NPSR1: variants seen among roughly 807,000 people sequenced by gnomAD.
The protein encoded by NPSR1 is neuropeptide S receptor.
NPSR1 carries 48 observed loss-of-function variants against 46.9 expected under a neutral mutation model. That is an observed-to-expected ratio of 1.02 (90% CI 0.81 to 1.30). NPSR1 has a LOEUF of 1.30. Among genes scored for constraint, NPSR1 ranks in the 50% most tolerant of loss-of-function variants. The pLI, the probability that NPSR1 is intolerant of heterozygous loss-of-function variation, is 0.00. For missense variants in NPSR1, 450 were observed against 449.5 expected, an observed-to-expected ratio of 1.00 and a Z score of -0.01; for synonymous variants, 176 against 168.1, an observed-to-expected ratio of 1.05 and a Z score of -0.36.
chr7:34,783,830 C>T (rs116463957), intron 3 of NPSR1, among the ~76,000 whole-genome samples: 1,598 of 152,006 alleles, frequency 0.011, 29 homozygotes, highest in African/African-American at 0.037. Flanking sequence ...CAGCAAAAAC[C>T]TTGCAGAACA....
intron 2 of NPSR1, among the ~76,000 whole-genome samples, chr7:34,722,919 G>A (rs1783935825): frequency 1.3e-5 from 2 of 152,178 alleles, no homozygotes; most frequent in South Asian, 4.1e-4. Flanking sequence ...TCAGCCAGCT[G>A]GAGAGGTGAG....
At chr7:34,719,682 CAG>C (rs1783751843) in intron 2 of NPSR1, 1 of 152,158 alleles carries the variant, frequency 6.6e-6, no homozygotes, top group Non-Finnish European at 1.5e-5. Flanking sequence ...ATATTGCTGC[CAG>C]AGTATGTCCC....
chr7:34,784,116 A>G (rs1183601159), intron 3 of NPSR1, among the ~76,000 whole-genome samples: 1 of 152,184 alleles, frequency 6.6e-6, no homozygotes, highest in Non-Finnish European at 1.5e-5. Context: ...ATATACAATC[A>G]TGTCATCTGC....
At chr7:34,694,313 G>A (rs1045987197) in intron 2 of NPSR1, among the ~76,000 whole-genome samples, 2 of 152,026 alleles carry the variant, frequency 1.3e-5, no homozygotes, top group African/African-American at 2.4e-5. Context: ...AAATTTTCAG[G>A]ATACAAAATC....
chr7:34,845,006 T>C, intron 7 of NPSR1, 24 bp downstream of exon 7: 1 of 1,542,864 alleles, frequency 6.5e-7, no homozygotes, highest in South Asian at 1.1e-5. Flanking sequence ...CTCCTTGAGC[T>C]GTAAAGTGGT....
intron 4 of NPSR1, among the ~76,000 whole-genome samples, chr7:34,825,567 C>T (rs1454890376): frequency 1.3e-5 from 2 of 152,194 alleles, no homozygotes; most frequent in Admixed American, 1.3e-4. Context: ...AAAAAAGATC[C>T]TGCCCCAGAC....
chr7:34,868,398 A>G (rs1288999953), intron 8 of NPSR1, among the ~76,000 whole-genome samples: 1 of 151,644 alleles, frequency 6.6e-6, no homozygotes, highest in Non-Finnish European at 1.5e-5. Flanking sequence ...AGAAAATCAA[A>G]GTTGGGAATT....
At chr7:34,807,908 A>T (rs1788787117) in intron 3 of NPSR1, among the ~76,000 whole-genome samples, 1 of 144,790 alleles carries the variant, frequency 6.9e-6, no homozygotes, top group Non-Finnish European at 1.5e-5. Context: ...CACCACCACC[A>T]CCACAAAATC....
intron 2 of NPSR1, among the ~76,000 whole-genome samples, chr7:34,701,618 C>T (rs1276171213): frequency 6.6e-6 from 1 of 152,190 alleles, no homozygotes; most frequent in African/African-American, 2.4e-5. Flanking sequence ...ACACAGCTAT[C>T]GAACCTAGGA....
At chr7:34,861,780 C>G (rs1791197591) in intron 8 of NPSR1, among the ~76,000 whole-genome samples, 1 of 151,844 alleles carries the variant, frequency 6.6e-6, no homozygotes, top group African/African-American at 2.4e-5. Flanking sequence ...ATTCATGATG[C>G]ATGGTTCAGC....
Position 34,790,946 on chromosome 7 carries a change from A to ATATATGTTATATGTTATATTATATATGT in NPSR1, c.384+12394_384+12421dup, listed in dbSNP as rs1562730026. Reference sequence around the variant, plus strand: ...TATGTTATATGTTATATTATATATCATATATGTTATATGTTATATTATATA... The same window carrying ATATATGTTATATGTTATATTATATATGT: ...TATGTTATATGTTATATTATATATCATATATGTTATATGTTATATTATATATGTTATATGTTATATGTTATATTATATA... On this transcript the variant is annotated intron_variant, in intron 3 of 8. Coordinates refer to ENST00000360581, the MANE Select transcript of NPSR1 (RefSeq NM_207172.2). Among the ~76,000 whole-genome samples the ATATATGTTATATGTTATATTATATATGT allele has an allele frequency of 7.3e-4, 75 of 102,388 alleles. 6 individuals are homozygous for ATATATGTTATATGTTATATTATATATGT. Among genetic ancestry groups the ATATATGTTATATGTTATATTATATATGT allele is most frequent in the African/African-American group, 2.9e-3 (66 of 23,044 alleles). The allele number at this position is 102,388 out of a possible 152,430, so 67.2% of individuals were successfully genotyped here.
At chr7:34,877,415 A>T (rs1791601530) in intron 8 of NPSR1, among the ~76,000 whole-genome samples, 1 of 152,330 alleles carries the variant, frequency 6.6e-6, no homozygotes, top group South Asian at 2.1e-4. Flanking sequence ...AAGGGCTTCT[A>T]GAGAGAGTGT....
chr7:34,851,584 C>T (rs375737339), downstream of NPSR1, among the ~76,000 whole-genome samples: 1 of 152,168 alleles, frequency 6.6e-6, no homozygotes, highest in Non-Finnish European at 1.5e-5. Context: ...AGAAGACCCA[C>T]GGAACTGTTG....
At chr7:34,820,846 G>T (rs1789518508) in intron 4 of NPSR1, among the ~76,000 whole-genome samples, 1 of 152,206 alleles carries the variant, frequency 6.6e-6, no homozygotes, top group Non-Finnish European at 1.5e-5. Flanking sequence ...TTAAGACAAA[G>T]AATTGTGGAG....
intron 1 of NPSR1, among the ~76,000 whole-genome samples, chr7:34,676,865 C>A (rs1269174601): frequency 6.6e-6 from 1 of 152,010 alleles, no homozygotes; most frequent in Non-Finnish European, 1.5e-5. Context: ...TATCTTCCAA[C>A]AGAAAACTCC....
chr7:34,792,677 A>ATATATATATTTT (rs1562733179), intron 3 of NPSR1, among the ~76,000 whole-genome samples: 5 of 90,552 alleles, frequency 5.5e-5, no homozygotes, highest in East Asian at 3.3e-4. Flanking sequence ...ATATATATGT[A>ATATATATATTTT]TATATATATA....
At chr7:34,740,167 C>T (rs953186781) in intron 2 of NPSR1, among the ~76,000 whole-genome samples, 2 of 151,936 alleles carry the variant, frequency 1.3e-5, no homozygotes, top group African/African-American at 4.8e-5. Context: ...GTGTCATGCA[C>T]ATTGTCAGGG....
chr7:34,865,876 T>A lies in NPSR1; in HGVS notation c.1026-12200T>A, dbSNP rs886796500. 3.4e-4 allele frequency among the ~76,000 whole-genome samples: 52 copies of A among 151,732 alleles called. 2 individuals are homozygous for A. Among genetic ancestry groups the A allele is most frequent in the African/African-American group, 1.2e-3 (48 of 41,068 alleles). On this transcript the variant is annotated intron_variant, in intron 8 of 8. Transcript: ENST00000359791. ...AGACATAATAAGGATCCTGGATGCATTCTTCTTTTTAACAATGAGGTCATT... is the reference window on the plus strand; with the variant it reads ...AGACATAATAAGGATCCTGGATGCAATCTTCTTTTTAACAATGAGGTCATT...
At chr7:34,865,364 C>T (rs1584156201) in intron 8 of NPSR1, among the ~76,000 whole-genome samples, 1 of 151,676 alleles carries the variant, frequency 6.6e-6, no homozygotes, top group Non-Finnish European at 1.5e-5. Flanking sequence ...GAGACAGAGA[C>T]GCGGAAGAAA....
Sources: allele counts gnomAD v4.1 joint callset (sites outside exome capture counted in the v4.1 genomes callset), GRCh38; gene constraint gnomAD v4.1.1; transcripts MANE v1.5; gene names NCBI Gene and HGNC (gene_info 2026-07-23, HGNC 2026-07-21).